Variants in CAMSAP2 observed in about 807,000 individuals in gnomAD.
CAMSAP2 encodes calmodulin-regulated spectrin-associated protein 2.
In CAMSAP2, 26 loss-of-function variants were observed where a neutral mutation model predicts 146.1. The ratio of observed to expected loss-of-function variants is 0.18; its 90% confidence interval spans 0.13 to 0.25. The LOEUF (loss-of-function observed/expected upper bound fraction) is 0.25, where lower values mean the gene tolerates loss of function less well. Ranked by LOEUF, CAMSAP2 falls within the 10% of genes least tolerant of loss-of-function variation. The pLI, the probability that CAMSAP2 is intolerant of heterozygous loss-of-function variation, is 1.00. For synonymous variants in CAMSAP2, 499 were observed against 596.6 expected, an observed-to-expected ratio of 0.84 and a Z score of 2.38; for missense variants, 1,381 against 1,759.3, an observed-to-expected ratio of 0.78 and a Z score of 3.85.
Position 200,760,991 on chromosome 1 carries a change from T to C in CAMSAP2, c.292T>C (p.Leu98=). 3 of 1,614,140 alleles carry C rather than the reference T, an allele frequency of 1.9e-6. No homozygotes were observed. The highest frequency in any genetic ancestry group is 2.2e-5 in the South Asian group (2 of 91,076). ...CAAGAGTGATGCTGCAAAACCCCTTTTGGGCCATGATGCTGTAATCCAGGC... is the reference window on the plus strand; with the variant it reads ...CAAGAGTGATGCTGCAAAACCCCTTCTGGGCCATGATGCTGTAATCCAGGC... ...ILKSDAAKPL[L]GHDAVIQALA... The change falls in exon 2 of 17, where the codon TTG becomes CTG. Residue 98 remains leucine, a synonymous_variant. Coordinates refer to ENST00000358823, the MANE Select transcript of CAMSAP2 (RefSeq NM_203459.4).
intron 2 of CAMSAP2, among the ~76,000 whole-genome samples, chr1:200,803,352 T>C (rs1338830578): frequency 3.9e-5 from 6 of 152,202 alleles, no homozygotes; most frequent in Non-Finnish European, 7.4e-5. Flanking sequence ...CATTACATAC[T>C]GAAAACAGTA....
chr1:200,811,329 G>T (rs1206041333), intron 3 of CAMSAP2, among the ~76,000 whole-genome samples: 13 of 152,132 alleles, frequency 8.5e-5, no homozygotes, highest in Non-Finnish European at 1.8e-4. Context: ...TCAGCCAAGA[G>T]TTGAGGGAAG....
chr1:200,845,402 AAGG>A (rs1667436124), intron 8 of CAMSAP2, among the ~76,000 whole-genome samples: 1 of 152,110 alleles, frequency 6.6e-6, no homozygotes, highest in Non-Finnish European at 1.5e-5. Context: ...TGCAGCAAGT[AAGG>A]AGGACACCGG....
intron 2 of CAMSAP2, among the ~76,000 whole-genome samples, chr1:200,784,608 G>C (rs921543528): frequency 6.6e-6 from 1 of 151,918 alleles, no homozygotes; most frequent in Non-Finnish European, 1.5e-5. Flanking sequence ...TTTTTATCCT[G>C]TGACCTTGCT....
intron 2 of CAMSAP2, among the ~76,000 whole-genome samples, chr1:200,805,405 G>A (rs11800187): frequency 0.16 from 24,055 of 152,100 alleles, 2,499 homozygotes; most frequent in East Asian, 0.35. Context: ...GTTAGATGTA[G>A]GGAATAGGAA....
chr1:200,806,837 C>T (rs1333042481), intron 2 of CAMSAP2, among the ~76,000 whole-genome samples: 1 of 150,568 alleles, frequency 6.6e-6, no homozygotes, highest in Non-Finnish European at 1.5e-5. Flanking sequence ...TCTATCTGTG[C>T]CAAAGGCTAG....
Position 200,807,543 on chromosome 1 carries a change from A to T in CAMSAP2, c.561+6A>T. The T allele has an allele frequency of 6.4e-7, 1 of 1,573,344 alleles. No homozygotes were observed. Among genetic ancestry groups the T allele is most frequent in the Non-Finnish European group, 8.6e-7 (1 of 1,159,470 alleles). On this transcript the variant is annotated splice_donor_region_variant and intron_variant, in intron 3 of 16. Coordinates refer to ENST00000358823, the MANE Select transcript of CAMSAP2 (RefSeq NM_203459.4). ...TCATGTACTGGATAAATAAGGTAGG[A>T]TTATACTCACTTGAGTAAATCGCAT...
intron 3 of CAMSAP2, among the ~76,000 whole-genome samples, chr1:200,814,310 T>C (rs1226124730): frequency 1.3e-5 from 2 of 151,808 alleles, no homozygotes; most frequent in Non-Finnish European, 2.9e-5. Flanking sequence ...TGTATTACCA[T>C]GATAGAAAAT....
rs757256853 is a variant in CAMSAP2, at chr1:200,857,947, A to T, written c.4325A>T (p.His1442Leu). The change falls in exon 17 of 17, where the codon CAC (histidine) becomes CTC (leucine). Residue 1442 changes from histidine to leucine, a missense_variant. By Grantham distance (99) the His-to-Leu change is moderately conservative (BLOSUM62 -3). Coordinates refer to ENST00000358823, the MANE Select transcript of CAMSAP2 (RefSeq NM_203459.4). The surrounding 1 kb of genome is among the most constrained non-coding windows in gnomAD (Gnocchi z 4.7). ...KYNSDRKQFS[H>L]IPAKTLSASV... ...AATTCTGACAGGAAACAGTTTAGCCACATACCCGCTAAAACTTTATCTGCC... is the reference window on the plus strand; with the variant it reads ...AATTCTGACAGGAAACAGTTTAGCCTCATACCCGCTAAAACTTTATCTGCC... The T allele has an allele frequency of 1.9e-6, 3 of 1,613,922 alleles. No homozygotes were observed. Among genetic ancestry groups the T allele is most frequent in the South Asian group, 2.2e-5 (2 of 91,066 alleles).
chr1:200,788,798 T>A (rs1665667426), intron 2 of CAMSAP2, among the ~76,000 whole-genome samples: 1 of 148,884 alleles, frequency 6.7e-6, no homozygotes, highest in Admixed American at 6.8e-5. Context: ...CCTGCCACCA[T>A]GCCTGGCTGA....
chr1:200,778,595 G>C (rs946685719), intron 2 of CAMSAP2, among the ~76,000 whole-genome samples: 1 of 152,130 alleles, frequency 6.6e-6, no homozygotes, highest in Non-Finnish European at 1.5e-5. Context: ...GTGTCTAGCT[G>C]TGTTGTTTAA....
chr1:200,813,913 A>G (rs1666402233), intron 3 of CAMSAP2, among the ~76,000 whole-genome samples: 2 of 151,838 alleles, frequency 1.3e-5, no homozygotes, highest in Non-Finnish European at 2.9e-5. Flanking sequence ...AATCTGGGAA[A>G]CAAGGTGAAA....
intron 11 of CAMSAP2, among the ~76,000 whole-genome samples, chr1:200,851,802 C>CA (rs1385803536): frequency 6.6e-6 from 1 of 152,130 alleles, no homozygotes. Flanking sequence ...TAAGCATTGG[C>CA]AGGGACAGTT....
At position 200,746,629 on chromosome 1, in the gene CAMSAP2, T is replaced by A. The variant is rs1044109285; in HGVS notation, c.139+6663T>A. On this transcript the variant is annotated intron_variant, in intron 1 of 16. Transcript: ENST00000358823. ...ACCAGTCACTAGTCACATTTTTTTT[T>A]TTTTTTTGAGACGGAGTCTTGCCCT... Among the ~76,000 whole-genome samples, 192 of 152,080 alleles carry A rather than the reference T, an allele frequency of 1.3e-3. 1 individual carries two copies. Among genetic ancestry groups the A allele is most frequent in the African/African-American group, 4.4e-3 (182 of 41,502 alleles).
chr1:200,809,093 A>C (rs901196761), intron 3 of CAMSAP2, among the ~76,000 whole-genome samples: 1 of 152,172 alleles, frequency 6.6e-6, no homozygotes, highest in Non-Finnish European at 1.5e-5. Flanking sequence ...GCTTCATGAC[A>C]ACTGTGTTAC....
chr1:200,742,516 A>G (rs1035213291), intron 1 of CAMSAP2, among the ~76,000 whole-genome samples: 3 of 152,226 alleles, frequency 2.0e-5, no homozygotes, highest in African/African-American at 7.2e-5. Context: ...TGGAGTGAAT[A>G]GAAAAAAATT....
intron 2 of CAMSAP2, among the ~76,000 whole-genome samples, chr1:200,766,292 C>A (rs1227584268): frequency 1.3e-5 from 2 of 151,912 alleles, no homozygotes; most frequent in Non-Finnish European, 2.9e-5. Context: ...TGCAGACGTG[C>A]ACCACCCCAC....
intron 2 of CAMSAP2, among the ~76,000 whole-genome samples, chr1:200,796,382 T>G (rs774477356): frequency 2.0e-5 from 3 of 152,188 alleles, no homozygotes; most frequent in Admixed American, 2.0e-4. Flanking sequence ...TTGTAGAAAG[T>G]TTTAAAATCA....
intron 2 of CAMSAP2, among the ~76,000 whole-genome samples, chr1:200,788,421 G>C (rs908093733): frequency 6.6e-6 from 1 of 152,092 alleles, no homozygotes; most frequent in African/African-American, 2.4e-5. Context: ...CTGGATCATA[G>C]AGTAATAATA....
Sources: gnomAD v4.1 joint callset for allele counts (sites outside exome capture counted in the v4.1 genomes callset) on GRCh38, gnomAD v4.1.1 for gene constraint, Gnocchi (gnomAD v3.1) non-coding constraint, MANE v1.5 for transcripts, NCBI Gene and HGNC (gene_info 2026-07-23, HGNC 2026-07-21) for gene names.